ZMYND11: variants seen among roughly 807,000 people sequenced by gnomAD.
The protein encoded by ZMYND11 is zinc finger MYND domain-containing protein 11.
Under a neutral mutation model 84.9 loss-of-function variants are expected in ZMYND11, and 9 were observed. That is an observed-to-expected ratio of 0.11 (90% CI 0.06 to 0.18). The LOEUF is 0.18. ZMYND11 is among the 10% of genes least tolerant of loss of function. The pLI is 1.00. For missense variants in ZMYND11, 409 were observed against 761.0 expected, an observed-to-expected ratio of 0.54 and a Z score of 5.44; for synonymous variants, 250 against 244.1, an observed-to-expected ratio of 1.02 and a Z score of -0.23.
intron 2 of ZMYND11, among the ~76,000 whole-genome samples, chr10:209,183 T>C (rs1000156787): frequency 6.6e-6 from 1 of 151,992 alleles, no homozygotes; most frequent in South Asian, 2.1e-4. Flanking sequence ...TTAACATGAG[T>C]TGAATATAGT....
At chr10:165,239 GC>G (rs1427181809) in intron 1 of ZMYND11, among the ~76,000 whole-genome samples, 1 of 152,000 alleles carries the variant, frequency 6.6e-6, no homozygotes, top group Non-Finnish European at 1.5e-5. Flanking sequence ...AGTTCTTTCT[GC>G]TTTTTGACAT....
At chr10:191,815 A>AG (rs1287161563) in intron 2 of ZMYND11, among the ~76,000 whole-genome samples, 7 of 152,132 alleles carry the variant, frequency 4.6e-5, no homozygotes, top group African/African-American at 1.7e-4. Context: ...TTGTTGTCTC[A>AG]GCATCATTCA....
At chr10:219,725 G>A (rs1464576717) in intron 3 of ZMYND11, among the ~76,000 whole-genome samples, 1 of 152,050 alleles carries the variant, frequency 6.6e-6, no homozygotes, top group Non-Finnish European at 1.5e-5. Context: ...TGTGCAATCA[G>A]GGTTTTATGT....
intron 1 of ZMYND11, among the ~76,000 whole-genome samples, chr10:162,974 C>T (rs1230096781): frequency 6.6e-6 from 1 of 152,096 alleles, no homozygotes; most frequent in African/African-American, 2.4e-5. Context: ...TGTGTTGAGT[C>T]CTGTTTCCTG....
At chr10:143,471 GC>G (rs1250419646) in intron 1 of ZMYND11, among the ~76,000 whole-genome samples, 3 of 152,090 alleles carry the variant, frequency 2.0e-5, no homozygotes, top group Non-Finnish European at 2.9e-5. Flanking sequence ...TTGACATGGA[GC>G]CCTTCCTCAA....
upstream of ZMYND11, among the ~76,000 whole-genome samples, chr10:131,064 C>G (rs1384846282): frequency 6.6e-6 from 1 of 152,064 alleles, no homozygotes; most frequent in Non-Finnish European, 1.5e-5. Context: ...TACAGTGAGC[C>G]AAGATGGTGC....
chr10:216,839 C>T (rs1375597697), intron 3 of ZMYND11, among the ~76,000 whole-genome samples: 1 of 151,930 alleles, frequency 6.6e-6, no homozygotes, highest in African/African-American at 2.4e-5. Flanking sequence ...TGTCTGAATT[C>T]TGTTGCACTG....
rs551793038 is a variant in ZMYND11 at position 228,338 on chromosome 10, T to C, written c.438+6982T>C. On this transcript the variant is annotated intron_variant, in intron 4 of 14. Coordinates refer to ENST00000381604, the MANE Select transcript of ZMYND11 (RefSeq NM_001370100.5). Reference sequence around the variant, plus strand: ...TGTGATCTATGTTTTGGTGGTTTGTTTAGAATCTTATTCGAAGTTTATCTT... The same window carrying C: ...TGTGATCTATGTTTTGGTGGTTTGTCTAGAATCTTATTCGAAGTTTATCTT... Among the ~76,000 whole-genome samples, 4 of 152,354 alleles carry C rather than the reference T, an allele frequency of 2.6e-5. No individual in the cohort carries two copies. The East Asian group carries it at 7.7e-4, about 29-fold the overall frequency.
At chr10:201,375 G>C (rs993665411) in intron 2 of ZMYND11, among the ~76,000 whole-genome samples, 1 of 152,086 alleles carries the variant, frequency 6.6e-6, no homozygotes, top group African/African-American at 2.4e-5. Context: ...GTGGTGGTTC[G>C]TTCTTCCACT....
intron 2 of ZMYND11, among the ~76,000 whole-genome samples, chr10:196,862 A>G (rs1192520377): frequency 6.6e-6 from 1 of 152,248 alleles, no homozygotes; most frequent in African/African-American, 2.4e-5. Flanking sequence ...GGAACTATTA[A>G]TAGTTCTGCC....
In ZMYND11 at chr10:249,085, G is replaced by A; in HGVS notation, c.1683G>A (p.Gln561=). 2 of 1,614,194 alleles carry A rather than the reference G, an allele frequency of 1.2e-6. No homozygotes were observed. Among genetic ancestry groups the A allele is most frequent in the South Asian group, 1.1e-5 (1 of 91,092 alleles). Residue 561 remains glutamine (Q), a synonymous_variant, in exon 14 of 15, where the codon CAG becomes CAA. Transcript: ENST00000381604. ...TGATTTCTCAGACCAAGAAGAAGCA[G>A]TGGGTAAATACCAGTCTTTTTTAGA... ...KQLISQTKKK[Q]WCYNCEEEAM... is the part of the protein sequence containing the mutation.
At chr10:184,600 T>C (rs1342550300) in intron 2 of ZMYND11, among the ~76,000 whole-genome samples, 1 of 152,214 alleles carries the variant, frequency 6.6e-6, no homozygotes, top group Non-Finnish European at 1.5e-5. Context: ...TATCATTTTC[T>C]TCATGTCTTT....
chr10:231,903 C>T (rs1949072488), intron 4 of ZMYND11, among the ~76,000 whole-genome samples: 1 of 152,178 alleles, frequency 6.6e-6, no homozygotes, highest in Admixed American at 6.5e-5. Flanking sequence ...TAGAATGTTT[C>T]TTTCTTGATG....
Position 135,541 on chromosome 10 carries a change from G to C in ZMYND11, c.-38G>C, listed in dbSNP as rs1835752093. ...GCCGGGCGCGGCGGCGGCGGCGGTG[G>C]AGGAGCCGGAGCATAATGGTGGGGA... On this transcript the variant is annotated 5_prime_UTR_variant, in exon 1 of 15. Transcript: ENST00000381604. The surrounding 1 kb of genome is among the most constrained non-coding windows in gnomAD (Gnocchi z 5.6). 1 of 153,902 alleles carries C rather than the reference G, an allele frequency of 6.5e-6. No homozygotes were observed. Among genetic ancestry groups the C allele is most frequent in the Non-Finnish European group, 1.4e-5 (1 of 70,082 alleles). The allele number at this position is 153,902 out of a possible 1,614,324, so 9.5% of individuals were successfully genotyped here. A position where few individuals can be genotyped will look rare whatever the true frequency, so the allele number is the denominator to read the frequency against.
intron 2 of ZMYND11, among the ~76,000 whole-genome samples, chr10:190,857 A>G (rs1233452147): frequency 1.3e-5 from 2 of 152,102 alleles, no homozygotes; most frequent in African/African-American, 4.8e-5. Flanking sequence ...TCCTTATTCA[A>G]GCCCATTTTC....
chr10:187,148 C>T (rs1422298308), intron 2 of ZMYND11, among the ~76,000 whole-genome samples: 1 of 151,678 alleles, frequency 6.6e-6, no homozygotes, highest in African/African-American at 2.4e-5. Flanking sequence ...ATCGCTTGAG[C>T]CCAGGAGATC....
intron 1 of ZMYND11, among the ~76,000 whole-genome samples, chr10:156,424 A>G (rs1254681871): frequency 6.6e-6 from 1 of 152,240 alleles, no homozygotes; most frequent in Non-Finnish European, 1.5e-5. Flanking sequence ...ACTTGGAAAA[A>G]TTATAGAATG....
intron 2 of ZMYND11, among the ~76,000 whole-genome samples, chr10:185,022 T>C (rs1456162182): frequency 6.6e-6 from 1 of 152,184 alleles, no homozygotes; most frequent in Non-Finnish European, 1.5e-5. Context: ...AAAGGAACTG[T>C]GACTGCTTAA....
chr10:161,730 T>C (rs1842976802), intron 1 of ZMYND11, among the ~76,000 whole-genome samples: 1 of 152,206 alleles, frequency 6.6e-6, no homozygotes, highest in South Asian at 2.1e-4. Context: ...ACTTTTCTTC[T>C]GCAGCTTCCT....
Sources: gnomAD v4.1 joint callset for allele counts (sites outside exome capture counted in the v4.1 genomes callset) on GRCh38, gnomAD v4.1.1 for gene constraint, Gnocchi (gnomAD v3.1) non-coding constraint, MANE v1.5 for transcripts, NCBI Gene and HGNC (gene_info 2026-07-23, HGNC 2026-07-21) for gene names.